FAM151A: variants seen among roughly 807,000 people sequenced by gnomAD.
FAM151A encodes the protein family with sequence similarity 151 member A.
In FAM151A, 41 loss-of-function variants were observed where a neutral mutation model predicts 40.4. The ratio of observed to expected loss-of-function variants is 1.01; its 90% CI spans 0.79 to 1.32. The LOEUF is 1.32. Ranked by LOEUF, FAM151A falls within the 40% of genes most tolerant of loss-of-function variation. The pLI is 0.00. For synonymous variants in FAM151A, 337 were observed against 312.5 expected (o/e 1.08, Z -0.83); for missense variants, 740 against 740.4 (o/e 1.00, Z 0.01).
rs772698420 is a variant in FAM151A at position 54,616,090 on chromosome 1, G to T, written c.345C>A (p.His115Gln). ...ANETGVPIMAHPPTIYSDNTL... is the reference protein window; with the variant it reads ...ANETGVPIMAQPPTIYSDNTL... ...TGTTGTCACTGTAGATAGTGGGGGG[G>T]TGTGCCATGATGGGAACTCCTGTCT... is the stretch of plus-strand genomic sequence containing the variant. The change falls in exon 3 of 8, where the codon CAC (histidine) becomes CAA (glutamine). Residue 115 changes from histidine to glutamine, a missense_variant. By Grantham distance (24) the His-to-Gln change is conservative. Transcript: ENST00000302250. 2.5e-6 allele frequency: 4 copies of T among 1,614,168 alleles called. No individual in the cohort carries two copies. Among genetic ancestry groups the T allele is most frequent in the South Asian group, 2.2e-5 (2 of 91,078 alleles).
intron 5 of FAM151A, 126 bp from the exon 6 acceptor site, chr1:54,611,871 G>A: frequency 9.1e-7 from 1 of 1,102,460 alleles, no homozygotes; most frequent in Non-Finnish European, 1.3e-6. Context: ...TCGCCCACCT[G>A]CCACTTCTCC....
At chr1:54,617,272 G>A (rs1165792444) in intron 2 of FAM151A, among the ~76,000 whole-genome samples, 1 of 152,082 alleles carries the variant, frequency 6.6e-6, no homozygotes, top group Non-Finnish European at 1.5e-5. Context: ...TGTAGTGGAG[G>A]GGAGAGGGGC....
intron 2 of FAM151A, among the ~76,000 whole-genome samples, chr1:54,618,453 C>T (rs1482762005): frequency 6.6e-6 from 1 of 152,044 alleles, no homozygotes; most frequent in Non-Finnish European, 1.5e-5. Context: ...TGCAGTGAGC[C>T]AAGATCACAC....
chr1:54,622,598 G>A (rs1442198515), intron 1 of FAM151A, among the ~76,000 whole-genome samples: 1 of 151,960 alleles, frequency 6.6e-6, no homozygotes, highest in Admixed American at 6.6e-5. Flanking sequence ...AATTAGCTGG[G>A]TATGGTTGCA....
At chr1:54,611,775 G>T in intron 5 of FAM151A, 30 bp from the exon 6 acceptor site, 1 of 1,613,050 alleles carries the variant, frequency 6.2e-7, no homozygotes, top group Non-Finnish European at 8.5e-7. Context: ...CTCAGTGCCT[G>T]TCTGGGCCCA....
chr1:54,617,625 T>G (rs1195570013), intron 2 of FAM151A, among the ~76,000 whole-genome samples: 3 of 150,180 alleles, frequency 2.0e-5, no homozygotes, highest in African/African-American at 7.3e-5. Context: ...GGCACCCAGC[T>G]TCTCCAACTT....
In FAM151A at chr1:54,623,361, A is replaced by T. The variant is rs1244431244; in HGVS notation, c.35T>A (p.Val12Asp). 1 of 1,613,480 alleles carries T rather than the reference A, an allele frequency of 6.2e-7. No homozygotes were observed. The highest frequency in any genetic ancestry group is 8.5e-7 in the Non-Finnish European group (1 of 1,179,828). Residue 12 changes from valine to aspartate, a missense_variant, in exon 1 of 8, where the codon GTC (valine) becomes GAC (aspartate). Val to Asp is a radical substitution (Grantham distance 152, BLOSUM62 -3). Coordinates refer to ENST00000302250, the MANE Select transcript of FAM151A (RefSeq NM_176782.3). Reference sequence around the variant, plus strand: ...GGTAATGCCGGCAAACACCCACTTGACCTGATTCTTTGATAACTGCTCCCT... The same window carrying T: ...GGTAATGCCGGCAAACACCCACTTGTCCTGATTCTTTGATAACTGCTCCCT... ...VCREQLSKNQ[V>D]KWVFAGITCV...
Position 54,609,883 on chromosome 1 carries a change from G to C in FAM151A, c.1143C>G (p.Pro381=). 1 of 1,613,062 alleles carries C rather than the reference G, an allele frequency of 6.2e-7. No individual in the cohort carries two copies. The highest frequency in any genetic ancestry group is 8.5e-7 in the Non-Finnish European group (1 of 1,179,992). ...CACTTGGAGTATGAACAATGGGCAC[G>C]GGGTTTTCAGCCACAGTTCCCTCGA... ...TGLEGTVAEN[P]VPIVHTPSGN... The change falls in exon 8 of 8, where the codon CCC becomes CCG. Residue 381 remains proline, a synonymous_variant. Transcript: ENST00000302250.
rs746798391 is a variant in FAM151A, at chr1:54,614,755, C to T, written c.520G>A (p.Ala174Thr). 8.1e-6 allele frequency: 13 copies of T among 1,614,068 alleles called. No homozygotes were observed. Among genetic ancestry groups the T allele is most frequent in the African/African-American group, 1.3e-5 (1 of 75,016 alleles). Reference sequence around the variant, plus strand: ...ATGTTGGGGCCCTTTAAGATGTCAGCGTTGATCCATATGGGCCGCCGGACT... The same window carrying T: ...ATGTTGGGGCCCTTTAAGATGTCAGTGTTGATCCATATGGGCCGCCGGACT... Reference protein sequence around the residue: ...GKVRRPIWINADILKGPNMLI... With the variant: ...GKVRRPIWINTDILKGPNMLI... The change falls in exon 4 of 8, where the codon GCT becomes ACT. Residue 174 changes from alanine to threonine, a missense_variant. Ala to Thr is a moderately conservative substitution (Grantham distance 58). Coordinates refer to ENST00000302250, the MANE Select transcript of FAM151A (RefSeq NM_176782.3).
Position 54,623,273 on chromosome 1 carries a change from C to G in FAM151A, c.118+5G>C. On this transcript the variant is annotated splice_donor_5th_base_variant and intron_variant, in intron 1 of 7. Transcript: ENST00000302250. ...ACTCAGGATGACATGGGGGGAGGCA[C>G]CTACCTGGCCGCCGCAGGGTGATGG... The G allele has an allele frequency of 6.2e-7, 1 of 1,610,712 alleles. No homozygotes were observed. Among genetic ancestry groups the G allele is most frequent in the African/African-American group, 1.3e-5 (1 of 74,954 alleles).
chr1:54,622,926 G>C (rs1644244643), intron 1 of FAM151A, among the ~76,000 whole-genome samples: 1 of 152,012 alleles, frequency 6.6e-6, no homozygotes, highest in Non-Finnish European at 1.5e-5. Flanking sequence ...TGTAATCCCA[G>C]CACTTTGAGA....
intron 5 of FAM151A, 104 bp from the exon 6 acceptor site, chr1:54,611,849 T>C: frequency 7.1e-7 from 1 of 1,408,998 alleles, no homozygotes; most frequent in Non-Finnish European, 9.7e-7. Context: ...GGGTAGAGCA[T>C]CTGTCCTCCA....
intron 3 of FAM151A, among the ~76,000 whole-genome samples, chr1:54,615,643 G>C (rs920542772): frequency 6.6e-6 from 1 of 152,066 alleles, no homozygotes; most frequent in Non-Finnish European, 1.5e-5. Flanking sequence ...AGGCATTATG[G>C]TGACGCCTGG....
Position 54,609,222 on chromosome 1 carries a change from G to C in FAM151A, c.*46C>G, listed in dbSNP as rs1053179488. Reference sequence around the variant, plus strand: ...CCTTTATTTCTTCCTGCCTCCCCGTGGGAAGCCTCCGCCCTGAGGTCCGCT... The same window carrying C: ...CCTTTATTTCTTCCTGCCTCCCCGTCGGAAGCCTCCGCCCTGAGGTCCGCT... On this transcript the variant is annotated 3_prime_UTR_variant, in exon 8 of 8. Transcript: ENST00000302250. 6.3e-7 allele frequency: 1 copy of C among 1,590,584 alleles called. No homozygotes were observed. The highest frequency in any genetic ancestry group is 1.7e-5 in the Admixed American group (1 of 58,364).
At chr1:54,615,403 TAA>T (rs1305879458) in intron 3 of FAM151A, among the ~76,000 whole-genome samples, 1 of 152,092 alleles carries the variant, frequency 6.6e-6, no homozygotes, top group Non-Finnish European at 1.5e-5. Flanking sequence ...CACGGAGGGT[TAA>T]AAGAGAGGCG....
intron 5 of FAM151A, among the ~76,000 whole-genome samples, chr1:54,612,226 G>C: frequency 6.6e-6 from 1 of 151,820 alleles, no homozygotes; most frequent in Non-Finnish European, 1.5e-5. Context: ...AGGAAGCTGT[G>C]GGGAGACAAA....
At chr1:54,611,566 G>T (rs759857960) in intron 6 of FAM151A, 40 bp downstream of exon 6, 6 of 1,608,234 alleles carry the variant, frequency 3.7e-6, no homozygotes, top group Non-Finnish European at 4.3e-6. Flanking sequence ...GCTCCATGCA[G>T]AATCCAGCCC....
At chr1:54,616,639 C>T (rs557014375) in intron 2 of FAM151A, among the ~76,000 whole-genome samples, 1 of 152,264 alleles carries the variant, frequency 6.6e-6, no homozygotes, top group South Asian at 2.1e-4. Flanking sequence ...TCCCAAAGTG[C>T]TGGGATTACA....
chr1:54,616,031 G>A lies in FAM151A; in HGVS notation c.404C>T (p.Ser135Phe). The change falls in exon 3 of 8, where the codon TCT becomes TTT. Residue 135 changes from serine to phenylalanine, a missense_variant. Transcript: ENST00000302250. ...LEQWLDAVLGSSQKGIKLDFK... is the reference protein window; with the variant it reads ...LEQWLDAVLGFSQKGIKLDFK... ...AGAGAGGCCCTTACCCTTTTGGGAA[G>A]AGCCCAGCACAGCGTCCAGCCACTG... 1 of 1,613,856 alleles carries A rather than the reference G, an allele frequency of 6.2e-7. No individual in the cohort carries two copies. The highest frequency in any genetic ancestry group is 1.1e-5 in the South Asian group (1 of 91,068).
Sources: allele counts gnomAD v4.1 joint callset (sites outside exome capture counted in the v4.1 genomes callset), GRCh38; gene constraint gnomAD v4.1.1; transcripts MANE v1.5; gene names NCBI Gene and HGNC (gene_info 2026-07-23, HGNC 2026-07-21).